The following GTF2A1L variants were observed in gnomAD, a reference collection of about 807,000 sequenced individuals.
The protein encoded by GTF2A1L is general transcription factor IIA subunit 1 like.
In GTF2A1L, 48 loss-of-function variants were observed where a neutral mutation model predicts 49.7. That is an observed-to-expected ratio of 0.97 (90% confidence interval 0.77 to 1.23). GTF2A1L has a LOEUF of 1.23. Ranked by LOEUF, GTF2A1L falls within the 50% of genes most tolerant of loss-of-function variation. The pLI, the probability that GTF2A1L is intolerant of heterozygous loss-of-function variation, is 0.00. For missense variants in GTF2A1L, 736 were observed against 564.8 expected, an observed-to-expected ratio of 1.30 and a Z score of -3.07; for synonymous variants, 246 against 193.5, an observed-to-expected ratio of 1.27 and a Z score of -2.25.
At chr2:48,671,570 G>A in intron 7 of GTF2A1L, 21 bp from the exon 8 acceptor site, 1 of 1,606,224 alleles carries the variant, frequency 6.2e-7, no homozygotes, top group Non-Finnish European at 8.5e-7. Flanking sequence ...ATTCCTTAAT[G>A]TGATCATCTT....
chr2:48,639,609 C>G (rs758028281), intron 3 of GTF2A1L, among the ~76,000 whole-genome samples: 2 of 152,058 alleles, frequency 1.3e-5, no homozygotes, highest in Non-Finnish European at 2.9e-5. Flanking sequence ...AGAAAACAAC[C>G]TAGGCAATAC....
chr2:48,659,753 T>A (rs1678383392), intron 6 of GTF2A1L, among the ~76,000 whole-genome samples: 1 of 152,152 alleles, frequency 6.6e-6, no homozygotes, highest in South Asian at 2.1e-4. Flanking sequence ...ATTATTTTCC[T>A]AATTTTCTTT....
chr2:48,665,075 C>T (rs528025397), intron 6 of GTF2A1L, among the ~76,000 whole-genome samples: 1 of 152,086 alleles, frequency 6.6e-6, no homozygotes. Context: ...GTGTGTGCCA[C>T]CACACCTGAC....
intron 8 of GTF2A1L, among the ~76,000 whole-genome samples, chr2:48,676,618 C>G (rs915980041): frequency 6.6e-6 from 1 of 151,682 alleles, no homozygotes; most frequent in Non-Finnish European, 1.5e-5. Flanking sequence ...AGAAAATGAG[C>G]TTTTTGTTAT....
At chr2:48,640,104 G>T in intron 3 of GTF2A1L, among the ~76,000 whole-genome samples, 1 of 152,146 alleles carries the variant, frequency 6.6e-6, no homozygotes, top group South Asian at 2.1e-4. Context: ...TGGTGGGAGT[G>T]CAAATTAGTT....
chr2:48,654,817 C>T (rs991929507), intron 6 of GTF2A1L, among the ~76,000 whole-genome samples: 3 of 152,164 alleles, frequency 2.0e-5, no homozygotes, highest in East Asian at 3.8e-4. Context: ...AAAATTACTA[C>T]ATCTGTGTTG....
At chr2:48,637,941 G>C (rs999616572) in intron 3 of GTF2A1L, among the ~76,000 whole-genome samples, 2 of 152,044 alleles carry the variant, frequency 1.3e-5, no homozygotes, top group Non-Finnish European at 2.9e-5. Flanking sequence ...AGAAACTATT[G>C]TGAACAACAC....
intron 3 of GTF2A1L, among the ~76,000 whole-genome samples, chr2:48,624,400 T>TA (rs1676187288): frequency 6.9e-6 from 1 of 144,222 alleles, no homozygotes; most frequent in African/African-American, 2.5e-5. Flanking sequence ...GCTGGATTCT[T>TA]ATCTATTTCT....
intron 6 of GTF2A1L, among the ~76,000 whole-genome samples, chr2:48,669,297 T>C (rs1679040776): frequency 6.6e-6 from 1 of 152,228 alleles, no homozygotes; most frequent in Non-Finnish European, 1.5e-5. Context: ...CTTCTGTGTT[T>C]GGCTTATTTC....
chr2:48,645,052 C>A lies in GTF2A1L; in HGVS notation c.323C>A (p.Ala108Glu), dbSNP rs2104191287. ...ATCTAGGGCACTTCAAACTCCAGTG[C>A]AAACTTTACTTTTCCTGGTTATCCC... ...TAELGTSNSS[A>E]NFTFPGYPIH... The change falls in exon 5 of 9, where the codon GCA becomes GAA. Residue 108 changes from alanine to glutamate, a missense_variant. By Grantham distance (107) the Ala-to-Glu change is moderately radical (BLOSUM62 -1). Transcript: ENST00000403751. The A allele has an allele frequency of 6.2e-7, 1 of 1,612,106 alleles. No individual in the cohort carries two copies. The highest frequency in any genetic ancestry group is 8.5e-7 in the Non-Finnish European group (1 of 1,179,318).
At chr2:48,667,115 ATTTTTTT>A (rs57507576) in intron 6 of GTF2A1L, among the ~76,000 whole-genome samples, 1 of 142,886 alleles carries the variant, frequency 7.0e-6, no homozygotes, top group African/African-American at 2.6e-5. Context: ...CTCCCAGCTA[ATTTTTTT>A]TTTTTTTTGT....
At chr2:48,650,300 T>A (rs1443862917) in intron 6 of GTF2A1L, among the ~76,000 whole-genome samples, 1 of 152,118 alleles carries the variant, frequency 6.6e-6, no homozygotes, top group African/African-American at 2.4e-5. Context: ...ATCAAATCAT[T>A]GGGCCATTAA....
chr2:48,661,246 A>ATTTTTTTTTTTTTTTTTTTT (rs1558757501), intron 6 of GTF2A1L, among the ~76,000 whole-genome samples: 3 of 71,848 alleles, frequency 4.2e-5, no homozygotes, highest in African/African-American at 1.9e-4. Flanking sequence ...GCATCCCCAA[A>ATTTTTTTTTTTTTTTTTTTT]CTTTTTTTTT....
intron 3 of GTF2A1L, among the ~76,000 whole-genome samples, chr2:48,622,858 G>A (rs1316394156): frequency 2.0e-5 from 3 of 148,766 alleles, no homozygotes; most frequent in African/African-American, 7.4e-5. Flanking sequence ...AAAGCATGGT[G>A]AACACTTCTA....
At chr2:48,632,341 A>T (rs746337865) in intron 3 of GTF2A1L, 1 of 152,034 alleles carries the variant, frequency 6.6e-6, no homozygotes, top group Non-Finnish European at 1.5e-5. Context: ...ATTCTTTCAA[A>T]TGAGTTTAAG....
chr2:48,635,486 C>A (rs1452439204), intron 3 of GTF2A1L, among the ~76,000 whole-genome samples: 1 of 152,036 alleles, frequency 6.6e-6, no homozygotes, highest in Non-Finnish European at 1.5e-5. Context: ...CCCAGGGGAA[C>A]AGCAGGGGCA....
At chr2:48,653,089 C>A (rs141776529) in intron 6 of GTF2A1L, among the ~76,000 whole-genome samples, 3,997 of 151,558 alleles carry the variant, frequency 0.026, 159 homozygotes, top group African/African-American at 0.09. Context: ...ATTAGCCTGG[C>A]GTGCGGCTGT....
At chr2:48,635,613 T>C (rs1399571709) in intron 3 of GTF2A1L, among the ~76,000 whole-genome samples, 1 of 151,984 alleles carries the variant, frequency 6.6e-6, no homozygotes, top group African/African-American at 2.4e-5. Context: ...AGGCTTGCAA[T>C]AGGGAAGAGT....
At chr2:48,645,698 T>A (rs1677456073) in intron 5 of GTF2A1L, among the ~76,000 whole-genome samples, 1 of 152,184 alleles carries the variant, frequency 6.6e-6, no homozygotes, top group Non-Finnish European at 1.5e-5. Flanking sequence ...GCCCACGCTG[T>A]AGTGCAGTGG....
Sources: gnomAD v4.1 joint callset for allele counts (sites outside exome capture counted in the v4.1 genomes callset) on GRCh38, gnomAD v4.1.1 for gene constraint, MANE v1.5 for transcripts, NCBI Gene and HGNC (gene_info 2026-07-23, HGNC 2026-07-21) for gene names.